The following TMEM163 variants were observed in gnomAD, a reference collection of about 807,000 sequenced individuals.
TMEM163 encodes transmembrane protein 163.
Under a neutral mutation model 29.3 loss-of-function variants are expected in TMEM163, and 17 were observed. The ratio of observed to expected loss-of-function variants is 0.58; its 90% confidence interval spans 0.40 to 0.87. The LOEUF (loss-of-function observed/expected upper bound fraction) is 0.87, where lower values mean the gene tolerates loss of function less well. Ranked by LOEUF, TMEM163 falls within the 40% of genes least tolerant of loss-of-function variation. TMEM163 has a pLI of 0.00. For synonymous variants in TMEM163, 157 were observed against 160.6 expected (o/e 0.98, Z 0.17); for missense variants, 303 against 381.5 (o/e 0.79, Z 1.71).
At chr2:134,525,617 C>T (rs149483171) in intron 4 of TMEM163, among the ~76,000 whole-genome samples, 4 of 152,308 alleles carry the variant, frequency 2.6e-5, no homozygotes, top group African/African-American at 9.6e-5. Flanking sequence ...ACCCTCTGGG[C>T]TAAGGGGACA....
At chr2:134,507,886 C>T (rs1679862032) in intron 4 of TMEM163, among the ~76,000 whole-genome samples, 4 of 152,190 alleles carry the variant, frequency 2.6e-5, no homozygotes, top group Non-Finnish European at 5.9e-5. Context: ...CACACACACA[C>T]ACAGACACAC....
At chr2:134,615,293 C>T (rs1416100828) in intron 2 of TMEM163, among the ~76,000 whole-genome samples, 1 of 152,166 alleles carries the variant, frequency 6.6e-6, no homozygotes, top group African/African-American at 2.4e-5. Flanking sequence ...GAACAAACAT[C>T]AAATTTATGG....
At chr2:134,669,548 A>G (rs143112132) in intron 2 of TMEM163, among the ~76,000 whole-genome samples, 84 of 152,358 alleles carry the variant, frequency 5.5e-4, no homozygotes, top group Non-Finnish European at 7.3e-4. Context: ...GAAGATGGCT[A>G]TGCCAATGTG....
rs922723381 is a variant in TMEM163, at chr2:134,456,561, G to A, written c.*155C>T. 4.7e-6 allele frequency: 4 copies of A among 847,134 alleles called. No individual in the cohort carries two copies. In the African/African-American group the frequency reaches 6.7e-5, roughly 14 times the overall value. The allele number at this position is 847,134 out of a possible 1,614,324, so 52.5% of individuals were successfully genotyped here. On this transcript the variant is annotated 3_prime_UTR_variant, in exon 8 of 8. Transcript: ENST00000281924. ...GGGGGCGGCAGGTGATGGGGGCAAG[G>A]TAGATCCACCTGGCTGGGCAGACCT...
intron 2 of TMEM163, among the ~76,000 whole-genome samples, chr2:134,578,085 C>T (rs549382051): frequency 6.6e-6 from 1 of 152,202 alleles, no homozygotes; most frequent in East Asian, 1.9e-4. Flanking sequence ...ATGTTGAACC[C>T]TTTTAACCCT....
intron 2 of TMEM163, among the ~76,000 whole-genome samples, chr2:134,706,750 A>G (rs1474961008): frequency 6.6e-6 from 1 of 152,188 alleles, no homozygotes; most frequent in Non-Finnish European, 1.5e-5. Flanking sequence ...TGGGGGCTGC[A>G]GTACATGGGG....
chr2:134,633,966 C>CATATATATATATATAT (rs535811215), intron 2 of TMEM163, among the ~76,000 whole-genome samples: 2 of 37,882 alleles, frequency 5.3e-5, no homozygotes, highest in Non-Finnish European at 7.9e-5. Flanking sequence ...AAAAAAAATA[C>CATATATATATATATAT]ATATATATAT....
intron 2 of TMEM163, among the ~76,000 whole-genome samples, chr2:134,552,942 G>C (rs1026984840): frequency 6.6e-6 from 1 of 152,082 alleles, no homozygotes; most frequent in Non-Finnish European, 1.5e-5. Flanking sequence ...TTACAGGTGT[G>C]AGCCACCACA....
intron 4 of TMEM163, among the ~76,000 whole-genome samples, chr2:134,521,472 G>A (rs1216103081): frequency 2.6e-5 from 4 of 152,262 alleles, no homozygotes; most frequent in East Asian, 1.9e-4. Flanking sequence ...GGGATGCTGC[G>A]ATGCACAGGA....
chr2:134,552,656 CTTTTTTTTTTTTT>C (rs35785546), intron 2 of TMEM163, among the ~76,000 whole-genome samples: 2 of 113,528 alleles, frequency 1.8e-5, no homozygotes, highest in African/African-American at 7.4e-5. Flanking sequence ...TATTTTGATC[CTTTTTTTTTTTTT>C]TTTTTTTTTT....
At chr2:134,570,497 TACATATACATATACATATACATATAC>T (rs2104784609) in intron 2 of TMEM163, among the ~76,000 whole-genome samples, 1 of 140,998 alleles carries the variant, frequency 7.1e-6, no homozygotes, top group African/African-American at 3.2e-5. Context: ...CATATACATA[TACATATACATATACATATACATATAC>T]AACATAGTCA....
chr2:134,582,156 C>T (rs111908344), intron 2 of TMEM163, among the ~76,000 whole-genome samples: 1 of 152,028 alleles, frequency 6.6e-6, no homozygotes, highest in African/African-American at 2.4e-5. Flanking sequence ...TGGGAAGATG[C>T]CTAATTAGAA....
intron 4 of TMEM163, among the ~76,000 whole-genome samples, chr2:134,528,458 T>C (rs2106497958): frequency 6.6e-6 from 1 of 152,340 alleles, no homozygotes; most frequent in South Asian, 2.1e-4. Context: ...ATTTTGATTT[T>C]AACAAGGCAT....
intron 4 of TMEM163, among the ~76,000 whole-genome samples, chr2:134,519,814 T>C (rs1680154162): frequency 7.0e-6 from 1 of 142,560 alleles, no homozygotes; most frequent in Non-Finnish European, 1.5e-5. Flanking sequence ...CGCCTGAACC[T>C]GGGAGGTGGA....
intron 2 of TMEM163, among the ~76,000 whole-genome samples, chr2:134,684,075 G>A (rs931408321): frequency 2.6e-5 from 4 of 152,134 alleles, no homozygotes; most frequent in African/African-American, 9.7e-5. Flanking sequence ...TACTCACCAT[G>A]TCCTGGAAGT....
At chr2:134,474,711 A>C (rs1424844363) in intron 5 of TMEM163, among the ~76,000 whole-genome samples, 5 of 152,188 alleles carry the variant, frequency 3.3e-5, no homozygotes, top group Admixed American at 3.3e-4. Context: ...ACTCAACTGT[A>C]TTTCTGTACA....
chr2:134,668,680 T>C (rs1683923095), intron 2 of TMEM163, among the ~76,000 whole-genome samples: 1 of 151,202 alleles, frequency 6.6e-6, no homozygotes, highest in African/African-American at 2.4e-5. Context: ...CCCTTTCTCC[T>C]CTCCACCCCA....
At chr2:134,524,648 C>T (rs1478107508) in intron 4 of TMEM163, among the ~76,000 whole-genome samples, 2 of 150,206 alleles carry the variant, frequency 1.3e-5, no homozygotes, top group African/African-American at 2.4e-5. Context: ...TGTCAGTTTG[C>T]TGAGGATGAT....
chr2:134,551,365 A>G (rs1479999908), intron 3 of TMEM163, among the ~76,000 whole-genome samples: 1 of 152,102 alleles, frequency 6.6e-6, no homozygotes, highest in African/African-American at 2.4e-5. Flanking sequence ...TGTCCCTACA[A>G]TATCAAGTTC....
Sources: allele counts gnomAD v4.1 joint callset (sites outside exome capture counted in the v4.1 genomes callset), GRCh38; gene constraint gnomAD v4.1.1; transcripts MANE v1.5; gene names NCBI Gene and HGNC (gene_info 2026-07-23, HGNC 2026-07-21).